The following GLI3 variants were observed in gnomAD, a reference collection of about 807,000 sequenced individuals.
The protein encoded by GLI3 is GLI family zinc finger 3, also known as transcription activator GLI3.
Under a neutral mutation model 100.8 loss-of-function variants are expected in GLI3, and 20 were observed. The ratio of observed to expected loss-of-function variants is 0.20; its 90% CI spans 0.14 to 0.29. The LOEUF is 0.29. GLI3 is among the 10% of genes least tolerant of loss of function. The probability of loss-of-function intolerance (pLI) is 1.00; values close to 1 mark genes in which losing one functional copy is unlikely to be tolerated. For synonymous variants in GLI3, 938 were observed against 860.5 expected (o/e 1.09, Z -1.58); for missense variants, 2,040 against 2,128.5 (o/e 0.96, Z 0.82).
At chr7:42,151,105 T>C (rs1355132083) in intron 2 of GLI3, 1 of 151,388 alleles carries the variant, frequency 6.6e-6, no homozygotes, top group Non-Finnish European at 1.5e-5. Flanking sequence ...CAGGCAGGAA[T>C]TTTTTTTACG....
At chr7:42,101,445 T>C (rs757338740) in intron 3 of GLI3, among the ~76,000 whole-genome samples, 24 of 151,912 alleles carry the variant, frequency 1.6e-4, no homozygotes, top group Non-Finnish European at 3.5e-4. Context: ...TACAATTTTT[T>C]TTTTCTTTAA....
chr7:42,123,590 T>A (rs934941693), intron 3 of GLI3, among the ~76,000 whole-genome samples: 1 of 152,212 alleles, frequency 6.6e-6, no homozygotes, highest in Non-Finnish European at 1.5e-5. Flanking sequence ...CTCCATAGCA[T>A]AAAATAACTG....
At chr7:42,049,842 C>T (rs1011000273) in intron 4 of GLI3, among the ~76,000 whole-genome samples, 12 of 152,108 alleles carry the variant, frequency 7.9e-5, no homozygotes, top group Admixed American at 1.3e-4. Context: ...ACAGAGGGTG[C>T]GGCCATAGGA....
chr7:42,150,325 A>C (rs1273332287), intron 2 of GLI3: 2 of 152,218 alleles, frequency 1.3e-5, no homozygotes, highest in Non-Finnish European at 2.9e-5. Context: ...TTCCCCTCTA[A>C]CTAATATTTT....
chr7:42,256,155 T>C (rs1403348762), intron 1 of GLI3, among the ~76,000 whole-genome samples: 1 of 152,192 alleles, frequency 6.6e-6, no homozygotes, highest in African/African-American at 2.4e-5. Flanking sequence ...TGTTTTTTAA[T>C]CTTATTGTGT....
At chr7:42,006,590 C>G (rs1336451770) in intron 10 of GLI3, among the ~76,000 whole-genome samples, 1 of 152,122 alleles carries the variant, frequency 6.6e-6, no homozygotes, top group Non-Finnish European at 1.5e-5. Context: ...CTACAGATAT[C>G]CTATCAGGGG....
intron 3 of GLI3, among the ~76,000 whole-genome samples, chr7:42,144,688 A>C (rs1474889011): frequency 2.0e-5 from 3 of 152,228 alleles, no homozygotes; most frequent in African/African-American, 7.2e-5. Flanking sequence ...AAAAAAACAA[A>C]AATGGTTTTC....
At chr7:42,048,777 T>C in intron 4 of GLI3, 81 bp from the exon 5 acceptor site, 1 of 935,204 alleles carries the variant, frequency 1.1e-6, no homozygotes, top group Non-Finnish European at 1.7e-6. Flanking sequence ...TGAAAGAAAA[T>C]AAGTAAGATT....
In GLI3 at chr7:41,967,605, T is replaced by C. The variant is rs775699703; in HGVS notation, c.2422A>G (p.Ile808Val). 3 of 1,610,358 alleles carry C rather than the reference T, an allele frequency of 1.9e-6. No individual in the cohort carries two copies. Among genetic ancestry groups the C allele is most frequent in the South Asian group, 1.1e-5 (1 of 91,002 alleles). The change falls in exon 14 of 15, where the codon ATA (isoleucine) becomes GTA (valine). Residue 808 changes from isoleucine (I) to valine (V), a missense_variant. This residue lies in a region of GLI3 where 327 missense variants were observed against 338.7 expected (regional missense o/e 0.97). Transcript: ENST00000395925. ...PPKAPAVSPL[I>V]GNGTQSNNTC... is the part of the protein sequence containing the mutation. ...CTGATGTAGAACTCACCATTTCCTATGAGAGGAGAGACCGCAGGGGCTTTA... is the reference window on the plus strand; with the variant it reads ...CTGATGTAGAACTCACCATTTCCTACGAGAGGAGAGACCGCAGGGGCTTTA...
At chr7:42,186,976 G>C (rs1377334804) in intron 2 of GLI3, among the ~76,000 whole-genome samples, 2 of 151,992 alleles carry the variant, frequency 1.3e-5, no homozygotes, top group Non-Finnish European at 2.9e-5. Flanking sequence ...TTGGAAGACT[G>C]AGGCAGGAGG....
In GLI3 at chr7:41,964,527, A is replaced by G; in HGVS notation, c.4546T>C (p.Ser1516Pro). The G allele has an allele frequency of 6.2e-7, 1 of 1,613,790 alleles. No homozygotes were observed. Among genetic ancestry groups the G allele is most frequent in the Middle Eastern group, 1.6e-4 (1 of 6,062 alleles). ...FDAIIDDGDH[S>P]SLMSGALSPS... is the part of the protein sequence containing the mutation. ...CTCAGGGCCCCCGACATCAGGCTGGAGTGGTCCCCATCGTCTATGATGGCA... is the reference window on the plus strand; with the variant it reads ...CTCAGGGCCCCCGACATCAGGCTGGGGTGGTCCCCATCGTCTATGATGGCA... The change falls in exon 15 of 15, where the codon TCC becomes CCC. Residue 1516 changes from serine to proline, a missense_variant. By Grantham distance (74) the Ser-to-Pro change is moderately conservative (BLOSUM62 -1). Coordinates refer to ENST00000395925, the MANE Select transcript of GLI3 (RefSeq NM_000168.6).
intron 2 of GLI3, among the ~76,000 whole-genome samples, chr7:42,202,373 CACA>C (rs1788061851): frequency 6.6e-6 from 1 of 151,620 alleles, no homozygotes; most frequent in Non-Finnish European, 1.5e-5. Flanking sequence ...CACACACACA[CACA>C]CACACACTCA....
chr7:42,236,156 G>C (rs1368535052), intron 1 of GLI3, among the ~76,000 whole-genome samples: 2 of 152,108 alleles, frequency 1.3e-5, no homozygotes, highest in East Asian at 3.9e-4. Context: ...CTGCTTAAAA[G>C]TCGCTTCACA....
intron 1 of GLI3, among the ~76,000 whole-genome samples, chr7:42,225,712 T>C (rs1036851299): frequency 7.2e-5 from 11 of 152,328 alleles, no homozygotes; most frequent in Admixed American, 1.3e-4. Context: ...TATATACTCA[T>C]TGAAGTCTTT....
chr7:42,240,292 A>C (rs1385022857), upstream of GLI3, among the ~76,000 whole-genome samples: 1 of 152,238 alleles, frequency 6.6e-6, no homozygotes, highest in African/African-American at 2.4e-5. Context: ...AGCTTTTAAG[A>C]CAGACTTTCT....
intron 4 of GLI3, among the ~76,000 whole-genome samples, chr7:42,056,977 C>T (rs890401552): frequency 5.6e-5 from 6 of 107,352 alleles, no homozygotes; most frequent in Admixed American, 8.4e-5. Flanking sequence ...AGCGAAACTC[C>T]GTCTCAAAAA....
intron 10 of GLI3, among the ~76,000 whole-genome samples, chr7:42,015,900 G>A (rs72586392): frequency 0.14 from 20,894 of 151,766 alleles, 1,930 homozygotes; most frequent in East Asian, 0.43. Context: ...TTTTTCTTAC[G>A]TGTGTTTTTC....
chr7:42,053,870 T>C (rs536630408), intron 4 of GLI3, among the ~76,000 whole-genome samples: 2 of 152,318 alleles, frequency 1.3e-5, no homozygotes, highest in Admixed American at 1.3e-4. Flanking sequence ...AAACTAAATC[T>C]GACAAACTGC....
rs190088379 is a variant in GLI3, at chr7:42,142,795, C to T, written c.367+5431G>A. Among the ~76,000 whole-genome samples, 423 of 151,604 alleles carry T rather than the reference C, an allele frequency of 2.8e-3. 5 individuals are homozygous for T. The East Asian group carries it at 0.034, about 12-fold the overall frequency. ...AAATACAAAAAAAAAAAAAATTAGC[C>T]GGGTGTGGTGGCAGGTGCCTGTAGT... On this transcript the variant is annotated intron_variant, in intron 3 of 14. Transcript: ENST00000395925.
Sources: allele counts gnomAD v4.1 joint callset (sites outside exome capture counted in the v4.1 genomes callset), GRCh38; gene constraint gnomAD v4.1.1; regional missense constraint gnomAD v4.1.1; transcripts MANE v1.5; gene names NCBI Gene and HGNC (gene_info 2026-07-23, HGNC 2026-07-21).